The following TSEN2 variants were observed in gnomAD, a reference collection of about 807,000 sequenced individuals.
The protein encoded by TSEN2 is tRNA splicing endonuclease subunit 2.
In TSEN2, 54 loss-of-function variants were observed where a neutral mutation model predicts 59.2. The ratio of observed to expected loss-of-function variants is 0.91; its 90% CI spans 0.73 to 1.14. The LOEUF is 1.14. Ranked by LOEUF, TSEN2 falls within the 50% of genes most tolerant of loss-of-function variation. The pLI is 0.00. For missense variants in TSEN2, 636 were observed against 576.2 expected, an observed-to-expected ratio of 1.10 and a Z score of -1.06; for synonymous variants, 195 against 198.2, an observed-to-expected ratio of 0.98 and a Z score of 0.14.
At position 12,489,822 on chromosome 3, in the gene TSEN2, G is replaced by A; in HGVS notation, c.22G>A (p.Ala8Thr). The change falls in exon 2 of 12, where the codon GCC (alanine) becomes ACC (threonine). Residue 8 changes from alanine (A) to threonine (T), a missense_variant. Transcript: ENST00000284995. MAEAVFH[A>T]PKRKRRVYET... The stretch of plus-strand genomic sequence containing the variant: ...AAAAATGGCAGAAGCAGTTTTCCAT[G>A]CCCCAAAGAGGAAAAGAAGAGTGTA... 1.2e-6 allele frequency: 2 copies of A among 1,613,626 alleles called. No homozygotes were observed. Among genetic ancestry groups the A allele is most frequent in the South Asian group, 2.2e-5 (2 of 91,076 alleles).
In TSEN2 at chr3:12,533,621, C is replaced by A. The variant is rs1276006545; in HGVS notation, c.*900C>A. On this transcript the variant is annotated 3_prime_UTR_variant, in exon 12 of 12. Transcript: ENST00000284995. ...GTTGCAGTGAGCGGAGATTGTGCCACTGCAATCCAGCCTGAGCAATAGAGC... is the reference window on the plus strand; with the variant it reads ...GTTGCAGTGAGCGGAGATTGTGCCAATGCAATCCAGCCTGAGCAATAGAGC... The A allele has an allele frequency of 7.2e-6, 1 of 138,170 alleles. No homozygotes were observed. The highest frequency in any genetic ancestry group is 1.5e-5 in the Non-Finnish European group (1 of 66,032). The allele number at this position is 138,170 out of a possible 1,614,324, so 8.6% of individuals were successfully genotyped here.
intron 8 of TSEN2, among the ~76,000 whole-genome samples, chr3:12,521,323 C>CA (rs2125180148): frequency 6.6e-6 from 1 of 152,338 alleles, no homozygotes; most frequent in South Asian, 2.1e-4. Flanking sequence ...ATGGGGGAGA[C>CA]ACACAAGCAA....
At chr3:12,490,095 T>A in intron 2 of TSEN2, 106 bp downstream of exon 2, 2 of 1,097,940 alleles carry the variant, frequency 1.8e-6, no homozygotes, top group Non-Finnish European at 2.8e-6. Context: ...ATGAACAATG[T>A]GTATTCTTTC....
intron 9 of TSEN2, among the ~76,000 whole-genome samples, chr3:12,529,384 T>C (rs1294355988): frequency 6.7e-6 from 1 of 150,256 alleles, no homozygotes; most frequent in Admixed American, 6.7e-5. Context: ...GAGAATTGCT[T>C]GAACCCAGGA....
intron 2 of TSEN2, among the ~76,000 whole-genome samples, chr3:12,490,947 G>C (rs1012533952): frequency 2.6e-5 from 4 of 151,878 alleles, no homozygotes; most frequent in African/African-American, 9.7e-5. Flanking sequence ...TTTATAAAGT[G>C]CTGTATGCAT....
chr3:12,536,916 T>C (rs2057684655), downstream of TSEN2, among the ~76,000 whole-genome samples: 2 of 151,654 alleles, frequency 1.3e-5, no homozygotes, highest in African/African-American at 4.8e-5. Context: ...AGCAGGAGAA[T>C]CACTTGAACC....
At chr3:12,497,135 G>A (rs1046560001) in intron 4 of TSEN2, among the ~76,000 whole-genome samples, 6 of 152,102 alleles carry the variant, frequency 3.9e-5, no homozygotes, top group African/African-American at 7.2e-5. Context: ...CCTCTTCGGC[G>A]TGCAGCACTT....
chr3:12,531,531 T>C, intron 10 of TSEN2, 39 bp from the exon 11 acceptor site: 2 of 1,410,214 alleles, frequency 1.4e-6, no homozygotes, highest in Non-Finnish European at 2.0e-6. Flanking sequence ...TGTACTATTA[T>C]TTTGTAGGAT....
chr3:12,482,755 A>G (rs922727065), upstream of TSEN2, among the ~76,000 whole-genome samples: 3 of 152,146 alleles, frequency 2.0e-5, no homozygotes, highest in African/African-American at 7.2e-5. Context: ...TAAATAAGGA[A>G]GTTTAACTGG....
intron 5 of TSEN2, among the ~76,000 whole-genome samples, chr3:12,504,637 C>G (rs2054621672): frequency 6.6e-6 from 1 of 152,166 alleles, no homozygotes; most frequent in Admixed American, 6.5e-5. Flanking sequence ...ATGATTACAA[C>G]TGCAGGAAAA....
intron 8 of TSEN2, among the ~76,000 whole-genome samples, chr3:12,524,455 T>G (rs2056915451): frequency 6.6e-6 from 1 of 152,186 alleles, no homozygotes; most frequent in Non-Finnish European, 1.5e-5. Flanking sequence ...CAGATTCTTG[T>G]GGCCCCAGGC....
intron 11 of TSEN2, 95 bp from the exon 12 acceptor site, chr3:12,532,567 G>T: frequency 3.4e-6 from 4 of 1,190,954 alleles, no homozygotes; most frequent in Non-Finnish European, 3.8e-6. Context: ...TATATAGACC[G>T]CCCTTTGTGA....
In TSEN2 at chr3:12,532,790, G is replaced by A. The variant is rs1341066155; in HGVS notation, c.*69G>A. The A allele has an allele frequency of 8.2e-6, 12 of 1,456,234 alleles. No homozygotes were observed. Among genetic ancestry groups the A allele is most frequent in the African/African-American group, 1.4e-5 (1 of 71,752 alleles). The allele number at this position is 1,456,234 out of a possible 1,614,324, so 90.2% of individuals were successfully genotyped here. Reference sequence around the variant, plus strand: ...GAGGGCTAGGTAAAAAGTTCTTTTTGTTGTAATCGTCCATTAATTCATAAG... The same window carrying A: ...GAGGGCTAGGTAAAAAGTTCTTTTTATTGTAATCGTCCATTAATTCATAAG... On this transcript the variant is annotated 3_prime_UTR_variant, in exon 12 of 12. Coordinates refer to ENST00000284995, the MANE Select transcript of TSEN2 (RefSeq NM_025265.4).
At position 12,503,711 on chromosome 3, in the gene TSEN2, C is replaced by G; in HGVS notation, c.758C>G (p.Pro253Arg). 6.2e-7 allele frequency: 1 copy of G among 1,613,820 alleles called. No homozygotes were observed. The highest frequency in any genetic ancestry group is 8.5e-7 in the Non-Finnish European group (1 of 1,179,850). ...CTCCTGCATCCTGGGGACAGAGGGC[C>G]TGACCATGAGTACGTGCTGGTCGAG... ...IGLLHPGDRG[P>R]DHEYVLVEEA... Residue 253 changes from proline (P) to arginine (R), a missense_variant, in exon 5 of 12, where the codon CCT becomes CGT. By Grantham distance (103) the Pro-to-Arg change is moderately radical (BLOSUM62 -2). Coordinates refer to ENST00000284995, the MANE Select transcript of TSEN2 (RefSeq NM_025265.4).
chr3:12,528,877 C>A lies in TSEN2; in HGVS notation c.1100-11C>A. 1.9e-6 allele frequency: 3 copies of A among 1,613,132 alleles called. No individual in the cohort carries two copies. The highest frequency in any genetic ancestry group is 2.5e-6 in the Non-Finnish European group (3 of 1,179,634). On this transcript the variant is annotated splice_polypyrimidine_tract_variant and intron_variant, in intron 8 of 11. Transcript: ENST00000284995. ...GTGGTTATACTTCTTTTTTTTCTTT[C>A]TTCTTTGCAGTGCTATATCGGAAAG...
chr3:12,529,617 A>T, intron 9 of TSEN2, 145 bp from the exon 10 acceptor site: 1 of 723,952 alleles, frequency 1.4e-6, no homozygotes. Flanking sequence ...TTTCATTAAT[A>T]TTTTCTCAAT....
At chr3:12,527,082 T>G (rs9825751) in intron 8 of TSEN2, among the ~76,000 whole-genome samples, 8,738 of 152,258 alleles carry the variant, frequency 0.057, 855 homozygotes, top group African/African-American at 0.2. Context: ...TCACTTTTGT[T>G]CCAGTACATG....
At chr3:12,520,998 C>G (rs1193322833) in intron 8 of TSEN2, among the ~76,000 whole-genome samples, 1 of 152,136 alleles carries the variant, frequency 6.6e-6, no homozygotes, top group African/African-American at 2.4e-5. Flanking sequence ...TTCATAAGTT[C>G]TCTTCATTTA....
intron 6 of TSEN2, among the ~76,000 whole-genome samples, chr3:12,510,290 A>C (rs912766479): frequency 6.6e-6 from 1 of 151,894 alleles, no homozygotes; most frequent in Non-Finnish European, 1.5e-5. Flanking sequence ...TTCCTCACTC[A>C]CTCTGTGTCA....
Sources: gnomAD v4.1 joint callset for allele counts (sites outside exome capture counted in the v4.1 genomes callset) on GRCh38, gnomAD v4.1.1 for gene constraint, MANE v1.5 for transcripts, NCBI Gene and HGNC (gene_info 2026-07-23, HGNC 2026-07-21) for gene names.